The following RIMS2 variants were observed in gnomAD, a reference collection of about 807,000 sequenced individuals.
RIMS2 encodes regulating synaptic membrane exocytosis 2, also known as regulating synaptic membrane exocytosis protein 2.
In RIMS2, 59 loss-of-function variants were observed where a neutral mutation model predicts 174.4. The observed-to-expected ratio is 0.34, with a 90% confidence interval of 0.27 to 0.42. The LOEUF (loss-of-function observed/expected upper bound fraction) is 0.42. RIMS2 is among the 10% of genes least tolerant of loss of function. The probability of loss-of-function intolerance (pLI) is 1.00; values close to 1 mark genes in which losing one functional copy is unlikely to be tolerated. For synonymous variants in RIMS2, 606 were observed against 572.5 expected (o/e 1.06, Z -0.84); for missense variants, 1,620 against 1,666.3 (o/e 0.97, Z 0.48).
chr8:103,993,069 G>C (rs1429586621), intron 17 of RIMS2, among the ~76,000 whole-genome samples: 1 of 152,084 alleles, frequency 6.6e-6, no homozygotes, highest in Admixed American at 6.6e-5. Flanking sequence ...AGGCGAGATC[G>C]CGCCACTGCA....
At chr8:103,766,994 G>T (rs546605739) in intron 3 of RIMS2, among the ~76,000 whole-genome samples, 1 of 152,266 alleles carries the variant, frequency 6.6e-6, no homozygotes, top group Non-Finnish European at 1.5e-5. Flanking sequence ...AGTATATGCA[G>T]ATCCGACATC....
chr8:103,681,846 A>T (rs565411348), intron 1 of RIMS2, among the ~76,000 whole-genome samples: 3 of 152,218 alleles, frequency 2.0e-5, no homozygotes, highest in African/African-American at 7.2e-5. Flanking sequence ...GAGTAGCCTA[A>T]CTAGGAGACT....
Position 103,589,008 on chromosome 8 carries a change from C to A in RIMS2, c.176+87946C>A, listed in dbSNP as rs116874958. 6.2e-3 allele frequency among the ~76,000 whole-genome samples: 937 copies of A among 151,832 alleles called. 5 individuals are homozygous for A. The highest frequency in any genetic ancestry group is 0.011 in the Non-Finnish European group (732 of 67,698). ...TGGGAGAAAATATTTGCAAACTACCCGTTTTCACCACTGTGATTCAACATA... is the reference window on the plus strand; with the variant it reads ...TGGGAGAAAATATTTGCAAACTACCAGTTTTCACCACTGTGATTCAACATA... On this transcript the variant is annotated intron_variant, in intron 1 of 23. Transcript: ENST00000504942.
intron 3 of RIMS2, among the ~76,000 whole-genome samples, chr8:103,795,093 C>G (rs2098538856): frequency 6.6e-6 from 1 of 151,996 alleles, no homozygotes; most frequent in Non-Finnish European, 1.5e-5. Context: ...GGGTATATAC[C>G]CAAAGGATTA....
chr8:103,528,870 T>C (rs1267693109), intron 1 of RIMS2, among the ~76,000 whole-genome samples: 1 of 152,226 alleles, frequency 6.6e-6, no homozygotes, highest in Non-Finnish European at 1.5e-5. Context: ...GACTTAGCAA[T>C]GTGGGCTCTG....
intron 3 of RIMS2, among the ~76,000 whole-genome samples, chr8:103,839,252 A>G (rs12543866): frequency 6.6e-6 from 1 of 151,944 alleles, no homozygotes; most frequent in East Asian, 1.9e-4. Flanking sequence ...ATTGTTATGG[A>G]TTCATTTTCT....
intron 10 of RIMS2, among the ~76,000 whole-genome samples, chr8:103,925,776 C>T (rs556022438): frequency 2.6e-5 from 4 of 151,568 alleles, no homozygotes; most frequent in South Asian, 2.1e-4. Flanking sequence ...GGAGTGATTA[C>T]GTAAAGTTCA....
intron 19 of RIMS2, among the ~76,000 whole-genome samples, chr8:104,015,167 C>A (rs1430291169): frequency 1.3e-5 from 2 of 152,146 alleles, no homozygotes; most frequent in Admixed American, 6.6e-5. Context: ...TCTATAAATT[C>A]TTGGATAAAG....
chr8:103,838,921 C>T (rs984040660), intron 3 of RIMS2, among the ~76,000 whole-genome samples: 4 of 152,082 alleles, frequency 2.6e-5, no homozygotes, highest in African/African-American at 4.8e-5. Context: ...AAAAATTAGC[C>T]GGGCGTGGTG....
At chr8:104,065,889 G>T (rs1195184905) in intron 19 of RIMS2, among the ~76,000 whole-genome samples, 2 of 152,088 alleles carry the variant, frequency 1.3e-5, no homozygotes, top group South Asian at 2.1e-4. Context: ...TTTGCATCTT[G>T]CTTTGTTTAT....
intron 8 of RIMS2, among the ~76,000 whole-genome samples, chr8:103,917,326 T>C (rs886654888): frequency 1.3e-5 from 2 of 152,180 alleles, no homozygotes; most frequent in Non-Finnish European, 2.9e-5. Flanking sequence ...TTTTATCTCT[T>C]TTTTAAAAAT....
intron 19 of RIMS2, chr8:104,223,497 GGGCT>G (rs2099166227): frequency 7.2e-7 from 1 of 1,389,044 alleles, no homozygotes; most frequent in Non-Finnish European, 9.3e-7. Flanking sequence ...CGTCTCCTCC[GGGCT>G]GGGTCAGGGA....
At chr8:103,608,961 T>G (rs1451219323) in intron 1 of RIMS2, among the ~76,000 whole-genome samples, 2 of 152,224 alleles carry the variant, frequency 1.3e-5, no homozygotes, top group Non-Finnish European at 2.9e-5. Flanking sequence ...TCTGCGTTGC[T>G]CACGCTGGGA....
chr8:104,036,955 A>G (rs1307312470), intron 19 of RIMS2, among the ~76,000 whole-genome samples: 1 of 152,204 alleles, frequency 6.6e-6, no homozygotes, highest in African/African-American at 2.4e-5. Flanking sequence ...ATTTGAAAAT[A>G]CGGCACCTAA....
At chr8:104,023,248 C>CA (rs1172246631) in intron 19 of RIMS2, among the ~76,000 whole-genome samples, 1 of 150,918 alleles carries the variant, frequency 6.6e-6, no homozygotes, top group Non-Finnish European at 1.5e-5. Context: ...GTTTTTATCA[C>CA]ATAAAATGGG....
At chr8:103,582,262 G>A (rs1588232382) in intron 1 of RIMS2, among the ~76,000 whole-genome samples, 1 of 152,144 alleles carries the variant, frequency 6.6e-6, no homozygotes, top group Admixed American at 6.5e-5. Flanking sequence ...GAGGCCTTGA[G>A]CACTGAATAA....
At chr8:103,581,338 A>G (rs1563870086) in intron 1 of RIMS2, among the ~76,000 whole-genome samples, 1 of 152,240 alleles carries the variant, frequency 6.6e-6, no homozygotes, top group Non-Finnish European at 1.5e-5. Context: ...ATGTAAATGA[A>G]TAATACATCA....
intron 1 of RIMS2, among the ~76,000 whole-genome samples, chr8:103,602,790 A>C (rs1195344573): frequency 6.6e-6 from 1 of 152,158 alleles, no homozygotes; most frequent in Non-Finnish European, 1.5e-5. Context: ...TCTATGGTAG[A>C]GGAATTTATA....
rs112034806 is a variant in RIMS2 at position 104,039,959 on chromosome 8, T to C, written c.3334+25344T>C. Among the ~76,000 whole-genome samples the C allele has an allele frequency of 6.6e-5, 10 of 151,788 alleles. 2 individuals carry two copies. The highest frequency in any genetic ancestry group is 2.4e-4 in the African/African-American group (10 of 41,548). On this transcript the variant is annotated intron_variant, in intron 19 of 23. Coordinates refer to ENST00000504942, the Ensembl canonical transcript of RIMS2. ...CAGGTGAAAAAATGTGTTCATATAA[T>C]AATAAAAATGATATTAAATTTCCAA...
Sources: allele counts gnomAD v4.1 joint callset (sites outside exome capture counted in the v4.1 genomes callset), GRCh38; gene constraint gnomAD v4.1.1; transcripts MANE v1.5; gene names NCBI Gene and HGNC (gene_info 2026-07-23, HGNC 2026-07-21).